The following SLC35F1 variants were observed in gnomAD, a reference collection of about 807,000 sequenced individuals.
SLC35F1 encodes the protein chromosome 6 open reading frame 169.
Under a neutral mutation model 48.7 loss-of-function variants are expected in SLC35F1, and 14 were observed. That is an observed-to-expected ratio of 0.29 (90% CI 0.19 to 0.45). The LOEUF is 0.45. Among genes scored for constraint, SLC35F1 ranks in the 20% least tolerant of loss-of-function variants. The pLI is 1.00. For synonymous variants in SLC35F1, 190 were observed against 202.2 expected (o/e 0.94, Z 0.51); for missense variants, 404 against 500.0 (o/e 0.81, Z 1.83).
intron 2 of SLC35F1, among the ~76,000 whole-genome samples, chr6:118,208,101 GCA>G (rs780946291): frequency 2.8e-5 from 4 of 141,848 alleles, no homozygotes; most frequent in East Asian, 2.0e-4. Flanking sequence ...ACACATGCAC[GCA>G]CACACACGCG....
intron 2 of SLC35F1, among the ~76,000 whole-genome samples, chr6:118,212,232 G>A (rs116393950): frequency 0.019 from 2,953 of 152,206 alleles, 94 homozygotes; most frequent in African/African-American, 0.067. Flanking sequence ...GTTGCATCTT[G>A]CATCTTAAAA....
intron 1 of SLC35F1, among the ~76,000 whole-genome samples, chr6:118,040,239 C>T (rs1173614734): frequency 1.3e-5 from 2 of 152,276 alleles, no homozygotes; most frequent in Admixed American, 6.5e-5. Flanking sequence ...TAGCTACCTA[C>T]ACTGTAAGGC....
At chr6:118,130,376 A>G (rs948926239) in intron 1 of SLC35F1, among the ~76,000 whole-genome samples, 3 of 152,014 alleles carry the variant, frequency 2.0e-5, no homozygotes, top group Non-Finnish European at 2.9e-5. Flanking sequence ...AGAAGCAAGT[A>G]AAAAAAACTG....
intron 1 of SLC35F1, among the ~76,000 whole-genome samples, chr6:118,068,543 G>A (rs1772651618): frequency 6.6e-6 from 1 of 152,150 alleles, no homozygotes; most frequent in African/African-American, 2.4e-5. Flanking sequence ...TTGGCAAAAA[G>A]AGTCTGATCT....
chr6:118,093,683 C>T (rs896786259), intron 1 of SLC35F1, among the ~76,000 whole-genome samples: 1 of 152,150 alleles, frequency 6.6e-6, no homozygotes, highest in Non-Finnish European at 1.5e-5. Flanking sequence ...TATAAATTAC[C>T]CAGTCTCAGG....
At chr6:118,241,909 C>CT (rs1393102326) in intron 3 of SLC35F1, among the ~76,000 whole-genome samples, 2 of 152,032 alleles carry the variant, frequency 1.3e-5, no homozygotes, top group African/African-American at 4.8e-5. Context: ...ATAGTTTGTT[C>CT]TTTTTTATTG....
At chr6:118,186,464 A>G (rs1206036750) in intron 2 of SLC35F1, among the ~76,000 whole-genome samples, 2 of 151,204 alleles carry the variant, frequency 1.3e-5, no homozygotes, top group Admixed American at 6.6e-5. Context: ...GCATTGCCAT[A>G]GCTGCATGGC....
At chr6:118,055,921 C>T (rs1399953947) in intron 1 of SLC35F1, among the ~76,000 whole-genome samples, 1 of 152,226 alleles carries the variant, frequency 6.6e-6, no homozygotes, top group Non-Finnish European at 1.5e-5. Flanking sequence ...AGAAAAGGGA[C>T]AGAGACCAGC....
chr6:118,080,879 T>C lies in SLC35F1; in HGVS notation c.174-73566T>C, dbSNP rs146909489. 2.6e-3 allele frequency among the ~76,000 whole-genome samples: 394 copies of C among 152,260 alleles called. 2 individuals are homozygous for C. The highest frequency in any genetic ancestry group is 9.2e-3 in the African/African-American group (382 of 41,556). ...AGTCGGTGTAAAGAGAAAAAGCTAA[T>C]GAAGAAATCAGCAGCCTACTTTTTT... On this transcript the variant is annotated intron_variant, in intron 1 of 7. Coordinates refer to ENST00000360388, the MANE Select transcript of SLC35F1 (RefSeq NM_001029858.4).
intron 1 of SLC35F1, among the ~76,000 whole-genome samples, chr6:117,988,026 G>A (rs1249640947): frequency 6.6e-6 from 1 of 151,906 alleles, no homozygotes; most frequent in Non-Finnish European, 1.5e-5. Flanking sequence ...CCACAGAGAG[G>A]AGAGCCCAGA....
intron 1 of SLC35F1, among the ~76,000 whole-genome samples, chr6:117,936,423 C>T (rs544741003): frequency 2.0e-5 from 3 of 152,298 alleles, no homozygotes; most frequent in African/African-American, 7.2e-5. Context: ...TTCCCTAGGA[C>T]TTCTTCCTGC....
At chr6:118,091,891 C>T (rs1773079183) in intron 1 of SLC35F1, among the ~76,000 whole-genome samples, 1 of 152,136 alleles carries the variant, frequency 6.6e-6, no homozygotes, top group Non-Finnish European at 1.5e-5. Flanking sequence ...AAAGGTCACT[C>T]TTGCTATGCG....
intron 2 of SLC35F1, among the ~76,000 whole-genome samples, chr6:118,219,332 G>T (rs1775115961): frequency 2.0e-5 from 3 of 152,118 alleles, no homozygotes; most frequent in African/African-American, 7.2e-5. Context: ...AACAGAAAAA[G>T]ATCACAGAGC....
intron 2 of SLC35F1, among the ~76,000 whole-genome samples, chr6:118,170,276 A>G (rs1331969854): frequency 6.6e-6 from 1 of 152,200 alleles, no homozygotes; most frequent in Non-Finnish European, 1.5e-5. Flanking sequence ...TGAATCAAAT[A>G]TATTTGTTGG....
chr6:117,909,689 A>G (rs1775739309), intron 1 of SLC35F1, among the ~76,000 whole-genome samples: 2 of 152,206 alleles, frequency 1.3e-5, no homozygotes, highest in Non-Finnish European at 2.9e-5. Context: ...AAACACTTGG[A>G]AAAGTATAAA....
chr6:118,300,680 A>T (rs1322166390), intron 7 of SLC35F1, among the ~76,000 whole-genome samples: 1 of 152,216 alleles, frequency 6.6e-6, no homozygotes, highest in East Asian at 1.9e-4. Flanking sequence ...TGAACAAAAA[A>T]GTCTAAGTTT....
chr6:118,261,271 A>T (rs1431466923), intron 3 of SLC35F1, among the ~76,000 whole-genome samples: 1 of 152,204 alleles, frequency 6.6e-6, no homozygotes, highest in Non-Finnish European at 1.5e-5. Context: ...CTCCTGAAAC[A>T]TCCAGAGGCC....
chr6:118,091,078 T>C (rs184449073), intron 1 of SLC35F1, among the ~76,000 whole-genome samples: 14 of 152,256 alleles, frequency 9.2e-5, no homozygotes, highest in Non-Finnish European at 1.8e-4. Flanking sequence ...TTTTAAGCAG[T>C]TGGGTGAATT....
chr6:118,290,064 A>T (rs1776102072), intron 7 of SLC35F1, among the ~76,000 whole-genome samples: 1 of 152,228 alleles, frequency 6.6e-6, no homozygotes, highest in African/African-American at 2.4e-5. Flanking sequence ...TGAGAATCAA[A>T]AATTTCTCCA....
Sources: gnomAD v4.1 joint callset for allele counts (sites outside exome capture counted in the v4.1 genomes callset) on GRCh38, gnomAD v4.1.1 for gene constraint, MANE v1.5 for transcripts, NCBI Gene and HGNC (gene_info 2026-07-23, HGNC 2026-07-21) for gene names.